Variants in SYTL5 observed in about 807,000 individuals in gnomAD.
SYTL5 encodes synaptotagmin like 5.
A neutral mutation model predicts 55.9 loss-of-function variants in SYTL5; 34 were observed. The ratio of observed to expected loss-of-function variants is 0.61; its 90% CI spans 0.46 to 0.81. The LOEUF is 0.81. Among genes scored for constraint, SYTL5 ranks in the 30% least tolerant of loss-of-function variants. The probability of loss-of-function intolerance (pLI) is 0.00; values close to 1 mark genes in which losing one functional copy is unlikely to be tolerated. For synonymous variants in SYTL5, 221 were observed against 188.7 expected (o/e 1.17, Z -1.40); for missense variants, 637 against 546.7 (o/e 1.17, Z -1.65).
intron 1 of SYTL5, among the ~76,000 whole-genome samples, chrX:38,013,509 G>A (rs771966951): frequency 2.7e-5 from 3 of 111,462 alleles, no homozygotes; most frequent in Admixed American, 9.5e-5. Flanking sequence ...AGGATTTACC[G>A]TGACTCAAGA....
the SYTL5 span, among the ~76,000 whole-genome samples, chrX:37,969,186 C>T: frequency 8.9e-6 from 1 of 111,960 alleles, no homozygotes; most frequent in South Asian, 3.7e-4. Flanking sequence ...AAAACTTTAA[C>T]AAAAGCATAT....
chrX:38,112,273 C>A (rs947897801), intron 13 of SYTL5, among the ~76,000 whole-genome samples: 9 of 111,600 alleles, frequency 8.1e-5, no homozygotes, highest in African/African-American at 2.9e-4. Flanking sequence ...AATTTTTATA[C>A]CCGCTGCCAC....
chrX:38,061,356 T>C (rs772772586), intron 3 of SYTL5, among the ~76,000 whole-genome samples: 156 of 112,220 alleles, frequency 1.4e-3, no homozygotes, highest in African/African-American at 4.9e-3. Context: ...TTGTTTGCTA[T>C]TCATGGAGTG....
chrX:37,955,900 C>G, the SYTL5 span, among the ~76,000 whole-genome samples: 1 of 111,554 alleles, frequency 9.0e-6, no homozygotes. Flanking sequence ...GAGACAAATG[C>G]AGACCTTAGT....
the SYTL5 span, chrX:37,946,835 C>T: frequency 1.8e-5 from 2 of 113,614 alleles, no homozygotes; most frequent in Non-Finnish European, 3.7e-5. Flanking sequence ...TAGTAGCTAA[C>T]ATTGCTTCTG....
the SYTL5 span, among the ~76,000 whole-genome samples, chrX:37,978,228 T>C: frequency 9.0e-6 from 1 of 111,336 alleles, no homozygotes; most frequent in Non-Finnish European, 1.9e-5. Context: ...GTTTGGGGAA[T>C]ATTTCTAAGA....
Position 38,126,695 on chromosome X carries a change from A to G in SYTL5, c.2158A>G (p.Met720Val). Residue 720 changes from methionine to valine, a missense_variant, in exon 17 of 17, where the codon ATG becomes GTG. Met to Val is a conservative substitution (Grantham distance 21, BLOSUM62 1). Coordinates refer to ENST00000297875, the MANE Select transcript of SYTL5 (RefSeq NM_138780.3). ...TGGAACTCCCTTTGAGGGTGTACTC[A>G]TGCTTCGTTCCAGCATGGGAAAATG... ...NPGTPFEGVL[M>V]LRSSMGKCRL is the part of the protein sequence containing the mutation. 1 of 1,209,772 alleles carries G rather than the reference A, an allele frequency of 8.3e-7. No individual in the cohort carries two copies. The highest frequency in any genetic ancestry group is 1.1e-6 in the Non-Finnish European group (1 of 894,607).
chrX:37,968,371 A>G, the SYTL5 span, among the ~76,000 whole-genome samples: 120 of 111,537 alleles, frequency 1.1e-3, 1 homozygote, highest in Admixed American at 0.011. Flanking sequence ...TTATGTTCTG[A>G]TCCCAGGAAG....
chrX:38,061,372 C>A (rs1312262381), intron 3 of SYTL5, among the ~76,000 whole-genome samples: 2 of 111,589 alleles, frequency 1.8e-5, no homozygotes, highest in Non-Finnish European at 3.8e-5. Flanking sequence ...GAGTGGTTTT[C>A]AAAACGGAAG....
At chrX:37,978,097 A>G in the SYTL5 span, among the ~76,000 whole-genome samples, 2 of 111,833 alleles carry the variant, frequency 1.8e-5, no homozygotes, top group African/African-American at 6.5e-5. Context: ...AGAACCCAGT[A>G]ATAGTGAGAA....
intron 10 of SYTL5, chrX:38,102,893 T>A (rs1472048369): frequency 2.2e-6 from 1 of 450,806 alleles, no homozygotes; most frequent in South Asian, 4.3e-5. Context: ...CTTACTTTAG[T>A]GTTCAAGGCC....
the SYTL5 span, among the ~76,000 whole-genome samples, chrX:37,958,768 T>C: frequency 8.9e-6 from 1 of 112,555 alleles, no homozygotes; most frequent in African/African-American, 3.2e-5. Flanking sequence ...ACAAGCTATG[T>C]ATTTGCAAAA....
intron 1 of SYTL5, among the ~76,000 whole-genome samples, chrX:38,019,994 T>C (rs1934492751): frequency 8.9e-6 from 1 of 111,842 alleles, no homozygotes; most frequent in South Asian, 3.7e-4. Context: ...TTATATGCTC[T>C]ATAACTCATT....
chrX:37,940,479 T>TAA, the SYTL5 span, among the ~76,000 whole-genome samples: 27 of 81,647 alleles, frequency 3.3e-4, no homozygotes, highest in Admixed American at 1.8e-3. Flanking sequence ...AGACTCCATC[T>TAA]AAAAAAAAAA....
In SYTL5 at chrX:38,078,304, G is replaced by A. The variant is rs376043802; in HGVS notation, c.689+1603G>A. Among the ~76,000 whole-genome samples, 6 of 106,477 alleles carry A rather than the reference G, an allele frequency of 5.6e-5. No homozygotes were observed. The East Asian group carries it at 1.2e-3, about 21-fold the overall frequency. 92.5% of individuals were successfully genotyped at this position (106,477 alleles called of 115,157 possible). A position where few individuals can be genotyped will look rare whatever the true frequency, so the allele number is the denominator to read the frequency against. On this transcript the variant is annotated intron_variant, in intron 6 of 16. Transcript: ENST00000297875. ...GAGATGGAGTCTCGCTCTGTCTCCCGGGCTGGAGTGCAGTGGTGCAATCTC... is the reference window on the plus strand; with the variant it reads ...GAGATGGAGTCTCGCTCTGTCTCCCAGGCTGGAGTGCAGTGGTGCAATCTC...
the SYTL5 span, among the ~76,000 whole-genome samples, chrX:38,000,002 G>A: frequency 9.0e-6 from 1 of 111,518 alleles, no homozygotes; most frequent in African/African-American, 3.3e-5. Flanking sequence ...CAAGATGTTG[G>A]GGTCGCTTGG....
At chrX:38,057,849 A>G (rs776748255) in intron 3 of SYTL5, among the ~76,000 whole-genome samples, 1 of 111,339 alleles carries the variant, frequency 9.0e-6, no homozygotes, top group East Asian at 2.8e-4. Context: ...CGTACAAGCT[A>G]TGTTGGTTAC....
rs111878646 is a variant in SYTL5 at position 38,119,681 on chromosome X, C to A, written c.1597-677C>A. ...TTGTGTGGATATAATGTTTTCATTT[C>A]TCTGGGATAAATGACCAAGAGTGCA... On this transcript the variant is annotated intron_variant, in intron 13 of 16. Coordinates refer to ENST00000297875, the MANE Select transcript of SYTL5 (RefSeq NM_138780.3). Among the ~76,000 whole-genome samples the A allele has an allele frequency of 1.5e-3, 171 of 112,152 alleles. 1 individual carries two copies. The highest frequency in any genetic ancestry group is 5.1e-3 in the African/African-American group (157 of 30,883).
the SYTL5 span, among the ~76,000 whole-genome samples, chrX:37,903,703 AAAAT>A: frequency 2.7e-5 from 3 of 111,190 alleles, no homozygotes; most frequent in Non-Finnish European, 5.7e-5. Context: ...AGTATAATAA[AAAAT>A]AAATAAAAAT....
Sources: gnomAD v4.1 joint callset for allele counts (sites outside exome capture counted in the v4.1 genomes callset) on GRCh38, gnomAD v4.1.1 for gene constraint, MANE v1.5 for transcripts, NCBI Gene and HGNC (gene_info 2026-07-23, HGNC 2026-07-21) for gene names.